Variants in NCKAP5 observed in about 807,000 individuals in gnomAD.
NCKAP5 encodes nck-associated protein 5.
A neutral mutation model predicts 167.0 loss-of-function variants in NCKAP5; 92 were observed. The observed-to-expected ratio is 0.55, with a 90% CI of 0.47 to 0.66. The LOEUF is 0.66. NCKAP5 is among the 30% of genes least tolerant of loss of function. NCKAP5 has a pLI of 0.00. For synonymous variants in NCKAP5, 891 were observed against 877.4 expected, an observed-to-expected ratio of 1.02 and a Z score of -0.27; for missense variants, 2,378 against 2,315.0, an observed-to-expected ratio of 1.03 and a Z score of -0.56.
intron 3 of NCKAP5, among the ~76,000 whole-genome samples, chr2:133,387,871 T>C (rs973898837): frequency 1.3e-5 from 2 of 152,244 alleles, no homozygotes; most frequent in African/African-American, 2.4e-5. Flanking sequence ...ACATAGTTCT[T>C]GTGCCATGGT....
chr2:133,266,818 G>A (rs1455879277), intron 4 of NCKAP5, among the ~76,000 whole-genome samples: 1 of 152,206 alleles, frequency 6.6e-6, no homozygotes, highest in Non-Finnish European at 1.5e-5. Flanking sequence ...GGCCCCTCGG[G>A]TGGGCAGTGC....
intron 7 of NCKAP5, 51 bp downstream of exon 7, chr2:132,994,101 A>G: frequency 3.7e-6 from 5 of 1,338,920 alleles, no homozygotes; most frequent in Non-Finnish European, 5.1e-6. Flanking sequence ...AGAGAAATAC[A>G]AGAAAAACAA....
At chr2:133,432,163 T>C (rs938214431) in intron 3 of NCKAP5, among the ~76,000 whole-genome samples, 14 of 152,278 alleles carry the variant, frequency 9.2e-5, no homozygotes, top group Admixed American at 3.3e-4. Flanking sequence ...GGAAACATCA[T>C]AGAGTTTACA....
intron 6 of NCKAP5, among the ~76,000 whole-genome samples, chr2:133,111,179 G>T (rs1168283013): frequency 6.6e-6 from 1 of 152,184 alleles, no homozygotes; most frequent in African/African-American, 2.4e-5. Flanking sequence ...TAAGAGGAAA[G>T]AGAGAAGCCT....
intron 9 of NCKAP5, among the ~76,000 whole-genome samples, chr2:132,878,354 C>A (rs922669428): frequency 6.6e-6 from 1 of 151,464 alleles, no homozygotes; most frequent in Admixed American, 6.6e-5. Flanking sequence ...TGTTCTGAAT[C>A]TACTGATTTT....
chr2:133,539,023 C>T lies in NCKAP5; in HGVS notation c.-62+20027G>A, dbSNP rs564995423. Among the ~76,000 whole-genome samples the T allele has an allele frequency of 4.4e-3, 634 of 145,404 alleles. 4 individuals carry two copies. The highest frequency in any genetic ancestry group is 0.014 in the African/African-American group (519 of 38,376). ...TGGCGCGATCTCGACTCACTGCAAG[C>T]TCCGCCTCCCGGGTTCACGCCATTC... On this transcript the variant is annotated intron_variant, in intron 2 of 19. Coordinates refer to ENST00000409261, the MANE Select transcript of NCKAP5 (RefSeq NM_207363.3).
At chr2:133,465,458 G>A (rs956813056) in intron 3 of NCKAP5, among the ~76,000 whole-genome samples, 29 of 151,824 alleles carry the variant, frequency 1.9e-4, no homozygotes, top group East Asian at 3.9e-4. Context: ...GAATAATGCC[G>A]CAATAAACAC....
chr2:133,412,806 TA>T (rs1432818587), intron 3 of NCKAP5, among the ~76,000 whole-genome samples: 13 of 152,238 alleles, frequency 8.5e-5, no homozygotes, highest in African/African-American at 2.9e-4. Flanking sequence ...AATATTTATT[TA>T]AAAAACCTCT....
intron 3 of NCKAP5, among the ~76,000 whole-genome samples, chr2:133,351,148 T>G (rs950776607): frequency 6.6e-6 from 1 of 152,144 alleles, no homozygotes; most frequent in African/African-American, 2.4e-5. Context: ...ACTTTATAGT[T>G]ATCGACTGAA....
At chr2:133,262,228 A>T (rs972102691) in intron 4 of NCKAP5, among the ~76,000 whole-genome samples, 2 of 152,198 alleles carry the variant, frequency 1.3e-5, no homozygotes, top group African/African-American at 4.8e-5. Flanking sequence ...TAAATAAGGG[A>T]ATCAGGCTTT....
At chr2:133,545,471 TC>T (rs1240621164) in intron 2 of NCKAP5, among the ~76,000 whole-genome samples, 1 of 152,140 alleles carries the variant, frequency 6.6e-6, no homozygotes, top group African/African-American at 2.4e-5. Context: ...AGGTATGACC[TC>T]TAAAAATATG....
At chr2:133,108,389 G>A (rs2081791362) in intron 6 of NCKAP5, among the ~76,000 whole-genome samples, 2 of 152,144 alleles carry the variant, frequency 1.3e-5, no homozygotes, top group African/African-American at 2.4e-5. Context: ...GAGAGACTAA[G>A]AACCATGCTC....
intron 11 of NCKAP5, among the ~76,000 whole-genome samples, chr2:132,810,326 A>G (rs1685768088): frequency 6.6e-6 from 1 of 152,200 alleles, no homozygotes; most frequent in Admixed American, 6.5e-5. Context: ...GTCTCTAGTG[A>G]GGCCAGGAAA....
chr2:133,191,798 T>C (rs2085234947), intron 5 of NCKAP5, among the ~76,000 whole-genome samples: 1 of 151,982 alleles, frequency 6.6e-6, no homozygotes, highest in Non-Finnish European at 1.5e-5. Context: ...AGGGATAGCA[T>C]TAGGAGATAT....
At position 132,920,777 on chromosome 2, in the gene NCKAP5, A is replaced by ATGTATGTG. The variant is rs1254977486; in HGVS notation, c.580-41862_580-41861insCACATACA. ...TATATGTATATATATGTATGTATAT[A>ATGTATGTG]TATATATATATATATATATATATAT... On this transcript the variant is annotated intron_variant, in intron 8 of 19. Transcript: ENST00000409261. Among the ~76,000 whole-genome samples, 38 of 13,846 alleles carry ATGTATGTG rather than the reference A, an allele frequency of 2.7e-3. 1 individual carries two copies. The highest frequency in any genetic ancestry group is 7.8e-3 in the African/African-American group (36 of 4,636). 9.1% of individuals were successfully genotyped at this position (13,846 alleles called of 152,430 possible).
At chr2:133,159,030 C>T (rs185762480) in intron 5 of NCKAP5, among the ~76,000 whole-genome samples, 2 of 151,954 alleles carry the variant, frequency 1.3e-5, no homozygotes, top group Admixed American at 6.6e-5. Context: ...AGGTTACAGA[C>T]TTTAAAATAG....
intron 8 of NCKAP5, among the ~76,000 whole-genome samples, chr2:132,894,279 T>C (rs937418476): frequency 1.3e-5 from 2 of 152,336 alleles, no homozygotes; most frequent in African/African-American, 4.8e-5. Context: ...CATCAGCTCC[T>C]AACCAGTACC....
intron 19 of NCKAP5, among the ~76,000 whole-genome samples, chr2:132,693,128 G>A (rs1011603971): frequency 1.3e-5 from 2 of 152,174 alleles, no homozygotes; most frequent in Non-Finnish European, 2.9e-5. Flanking sequence ...TCTTCCTGCT[G>A]AAGTCAAAAT....
chr2:133,125,051 A>C (rs897192650), intron 6 of NCKAP5, among the ~76,000 whole-genome samples: 3 of 150,902 alleles, frequency 2.0e-5, no homozygotes, highest in Admixed American at 6.6e-5. Flanking sequence ...TGTCTCAATA[A>C]TAATAATCAT....
Sources: gnomAD v4.1 joint callset for allele counts (sites outside exome capture counted in the v4.1 genomes callset) on GRCh38, gnomAD v4.1.1 for gene constraint, MANE v1.5 for transcripts, NCBI Gene and HGNC (gene_info 2026-07-23, HGNC 2026-07-21) for gene names.